Variants in HS2ST1 observed in about 807,000 individuals in gnomAD.
HS2ST1 encodes 2-O-sulfotransferase.
A neutral mutation model predicts 42.9 loss-of-function variants in HS2ST1; 18 were observed. The observed-to-expected ratio is 0.42, with a 90% CI of 0.29 to 0.62. The LOEUF is 0.62. Among genes scored for constraint, HS2ST1 ranks in the 20% least tolerant of loss-of-function variants. The probability of loss-of-function intolerance (pLI) is 0.21; values close to 1 mark genes in which losing one functional copy is unlikely to be tolerated. For missense variants in HS2ST1, 334 were observed against 433.8 expected, an observed-to-expected ratio of 0.77 and a Z score of 2.04; for synonymous variants, 146 against 152.9, an observed-to-expected ratio of 0.95 and a Z score of 0.33.
intron 1 of HS2ST1, among the ~76,000 whole-genome samples, chr1:87,060,931 G>C (rs915140715): frequency 6.6e-6 from 1 of 151,948 alleles, no homozygotes; most frequent in Non-Finnish European, 1.5e-5. Flanking sequence ...GATCATCTCA[G>C]GAGCATTAAC....
intron 1 of HS2ST1, among the ~76,000 whole-genome samples, chr1:86,995,021 G>T (rs1557508615): frequency 6.6e-6 from 1 of 151,982 alleles, no homozygotes; most frequent in South Asian, 2.1e-4. Context: ...TACTGTATGT[G>T]TCAAAAATAA....
chr1:86,987,252 T>G (rs1648814185), intron 1 of HS2ST1, among the ~76,000 whole-genome samples: 1 of 151,678 alleles, frequency 6.6e-6, no homozygotes, highest in South Asian at 2.1e-4. Context: ...AATTTTTGTA[T>G]TTTAGTAGAG....
At chr1:87,048,817 A>T (rs1650762127) in intron 1 of HS2ST1, among the ~76,000 whole-genome samples, 1 of 152,156 alleles carries the variant, frequency 6.6e-6, no homozygotes, top group African/African-American at 2.4e-5. Context: ...TATCCTTGGG[A>T]TAAACTACAT....
intron 1 of HS2ST1, among the ~76,000 whole-genome samples, chr1:87,042,362 G>T (rs1276827734): frequency 1.3e-5 from 2 of 151,928 alleles, no homozygotes; most frequent in Non-Finnish European, 2.9e-5. Context: ...TTTTGACTGT[G>T]CTTTTGATGT....
At chr1:87,000,560 ACG>A (rs1190917714) in intron 1 of HS2ST1, among the ~76,000 whole-genome samples, 1 of 152,220 alleles carries the variant, frequency 6.6e-6, no homozygotes, top group Non-Finnish European at 1.5e-5. Context: ...AATAGTTTTA[ACG>A]CAAAAGACTT....
chr1:86,962,232 C>T (rs368462215), intron 1 of HS2ST1, among the ~76,000 whole-genome samples: 28 of 152,048 alleles, frequency 1.8e-4, no homozygotes, highest in African/African-American at 5.5e-4. Context: ...AGGGTATGTA[C>T]GGAATTTTGT....
intron 5 of HS2ST1, chr1:87,098,503 C>G: frequency 1.1e-5 from 4 of 380,064 alleles, no homozygotes; most frequent in Non-Finnish European, 1.4e-5. Flanking sequence ...TCTATTCAAT[C>G]ATTTTAATAG....
In HS2ST1 at chr1:87,105,333, C is replaced by G. The variant is rs1243839448; in HGVS notation, c.*637C>G. On this transcript the variant is annotated 3_prime_UTR_variant, in exon 7 of 7. Transcript: ENST00000370550. ...CTAATATGGTAAAAAGATAAAGCAT[C>G]AAAGCAGTATTTCTCATTCCTGCCT... The G allele has an allele frequency of 6.6e-6, 1 of 152,528 alleles. No individual in the cohort carries two copies. The highest frequency in any genetic ancestry group is 2.4e-5 in the African/African-American group (1 of 41,436). 9.4% of individuals were successfully genotyped at this position (152,528 alleles called of 1,614,324 possible).
intron 1 of HS2ST1, among the ~76,000 whole-genome samples, chr1:86,927,370 C>G (rs1438057978): frequency 1.3e-5 from 2 of 152,066 alleles, no homozygotes; most frequent in African/African-American, 4.8e-5. Context: ...TCTAAAGTGT[C>G]AAGGAGAAGT....
intron 1 of HS2ST1, among the ~76,000 whole-genome samples, chr1:86,916,266 G>GT (rs1388226887): frequency 6.6e-6 from 1 of 152,114 alleles, no homozygotes; most frequent in African/African-American, 2.4e-5. Flanking sequence ...AATGTGAAGT[G>GT]TTTTTTGCAT....
intron 1 of HS2ST1, among the ~76,000 whole-genome samples, chr1:87,000,068 G>A (rs1284477815): frequency 6.6e-6 from 1 of 150,908 alleles, no homozygotes; most frequent in African/African-American, 2.4e-5. Flanking sequence ...AACAGGGTTG[G>A]TTATGTAGTA....
intron 1 of HS2ST1, among the ~76,000 whole-genome samples, chr1:86,932,713 C>G (rs1660569850): frequency 1.3e-5 from 2 of 152,092 alleles, no homozygotes; most frequent in South Asian, 2.1e-4. Flanking sequence ...AGTGGGATCT[C>G]TTTTCAAGGG....
chr1:86,915,181 G>A, intron 1 of HS2ST1, 21 bp downstream of exon 1: 2 of 1,606,504 alleles, frequency 1.2e-6, no homozygotes, highest in Non-Finnish European at 1.7e-6. Context: ...GAACTGCCCC[G>A]GGCTGAGTGC....
At chr1:86,920,738 G>A (rs527712765) in intron 1 of HS2ST1, among the ~76,000 whole-genome samples, 24 of 152,268 alleles carry the variant, frequency 1.6e-4, no homozygotes, top group African/African-American at 4.8e-4. Flanking sequence ...CTATAGCCTA[G>A]TTATTTTTAA....
intron 1 of HS2ST1, among the ~76,000 whole-genome samples, chr1:87,024,389 TA>T (rs1173751678): frequency 6.6e-6 from 1 of 151,554 alleles, no homozygotes; most frequent in East Asian, 1.9e-4. Flanking sequence ...TAATCCCAGC[TA>T]ATCAGGAGGC....
intron 1 of HS2ST1, among the ~76,000 whole-genome samples, chr1:87,014,705 T>G (rs1649699046): frequency 6.6e-6 from 1 of 152,130 alleles, no homozygotes; most frequent in Non-Finnish European, 1.5e-5. Flanking sequence ...ACCACAACCA[T>G]GTACAAAGGC....
intron 1 of HS2ST1, among the ~76,000 whole-genome samples, chr1:86,949,859 G>C (rs143794276): frequency 6.6e-6 from 1 of 152,270 alleles, no homozygotes; most frequent in African/African-American, 2.4e-5. Context: ...CATATAAAAA[G>C]GTAGTGAGAT....
At chr1:86,977,876 T>C (rs750156308) in intron 1 of HS2ST1, among the ~76,000 whole-genome samples, 6 of 152,192 alleles carry the variant, frequency 3.9e-5, no homozygotes, top group Admixed American at 3.3e-4. Flanking sequence ...AAAGTTTGGG[T>C]CATTGATTTT....
chr1:86,949,400 T>C (rs946054347), intron 1 of HS2ST1, among the ~76,000 whole-genome samples: 1 of 152,204 alleles, frequency 6.6e-6, no homozygotes, highest in African/African-American at 2.4e-5. Flanking sequence ...TGAGCCACCA[T>C]GCTCACCCAA....
Sources: allele counts gnomAD v4.1 joint callset (sites outside exome capture counted in the v4.1 genomes callset), GRCh38; gene constraint gnomAD v4.1.1; transcripts MANE v1.5; gene names NCBI Gene and HGNC (gene_info 2026-07-23, HGNC 2026-07-21).